TCF7L1: variants seen among roughly 807,000 people sequenced by gnomAD.
TCF7L1 encodes the protein transcription factor 7-like 1.
TCF7L1 carries 18 observed loss-of-function variants against 63.7 expected under a neutral mutation model. The observed-to-expected ratio is 0.28, with a 90% confidence interval of 0.20 to 0.42. The LOEUF (loss-of-function observed/expected upper bound fraction) is 0.42. Ranked by LOEUF, TCF7L1 falls within the 10% of genes least tolerant of loss-of-function variation. The pLI is 1.00. For synonymous variants in TCF7L1, 355 were observed against 340.9 expected (o/e 1.04, Z -0.46); for missense variants, 654 against 779.3 (o/e 0.84, Z 1.91).
chr2:85,159,706 G>C (rs1398143814), intron 3 of TCF7L1, among the ~76,000 whole-genome samples: 1 of 152,240 alleles, frequency 6.6e-6, no homozygotes, highest in East Asian at 1.9e-4. Flanking sequence ...CTGTGGGAAG[G>C]CTTGCGCCCT....
At chr2:85,257,188 T>C (rs960645025) in intron 3 of TCF7L1, among the ~76,000 whole-genome samples, 1 of 151,670 alleles carries the variant, frequency 6.6e-6, no homozygotes, top group East Asian at 1.9e-4. Flanking sequence ...CACCCCAGCC[T>C]GGGCAACAGA....
intron 7 of TCF7L1, among the ~76,000 whole-genome samples, chr2:85,304,843 A>T (rs865783978): frequency 1.3e-5 from 2 of 152,206 alleles, no homozygotes; most frequent in South Asian, 2.1e-4. Context: ...GACTGGGAGA[A>T]GATGAATTTT....
rs1573030027 is a variant in TCF7L1 at position 85,294,020 on chromosome 2, A to C, written c.526-8464A>C. ...GATGGAATTTAGGTGTGGCCTGAAC[A>C]CTGGGATTTTTTTTTTTTTTTTTTT... On this transcript the variant is annotated intron_variant, in intron 4 of 11. Coordinates refer to ENST00000282111, the MANE Select transcript of TCF7L1 (RefSeq NM_031283.3). Among the ~76,000 whole-genome samples, 6 of 84,248 alleles carry C rather than the reference A, an allele frequency of 7.1e-5. No homozygotes were observed. In the South Asian group the frequency reaches 1.2e-3, roughly 17 times the overall value. The allele number at this position is 84,248 out of a possible 152,430, so 55.3% of individuals were successfully genotyped here.
intron 3 of TCF7L1, among the ~76,000 whole-genome samples, chr2:85,150,665 T>C (rs1056398822): frequency 2.6e-5 from 4 of 152,148 alleles, no homozygotes; most frequent in Admixed American, 2.6e-4. Flanking sequence ...GGTGTTCTTA[T>C]TGTATCTCCT....
intron 3 of TCF7L1, among the ~76,000 whole-genome samples, chr2:85,140,289 C>T (rs1054828137): frequency 3.9e-5 from 6 of 152,060 alleles, no homozygotes; most frequent in African/African-American, 1.4e-4. Context: ...TGGGAGGAAC[C>T]CTCGGTTTCA....
chr2:85,274,161 T>C (rs537341576), intron 3 of TCF7L1, among the ~76,000 whole-genome samples: 1 of 152,152 alleles, frequency 6.6e-6, no homozygotes, highest in East Asian at 1.9e-4. Context: ...TGCAGCACAT[T>C]GGTGGCTGGG....
chr2:85,229,661 GA>G (rs1294103227), intron 3 of TCF7L1, among the ~76,000 whole-genome samples: 1 of 152,152 alleles, frequency 6.6e-6, no homozygotes, highest in Non-Finnish European at 1.5e-5. Context: ...ATTGGGGGAA[GA>G]TTTTTTTAAA....
At position 85,283,530 on chromosome 2, in the gene TCF7L1, C is replaced by G; in HGVS notation, c.477C>G (p.Pro159=). 1 of 1,614,160 alleles carries G rather than the reference C, an allele frequency of 6.2e-7. No homozygotes were observed. ...TGAAATGGCCCCTCCTCGATGTCCC[C>G]TCCAGCGCCACAGTCAAGGACACGA... ...LQMKWPLLDV[P]SSATVKDTRS... Residue 159 remains proline (P), a synonymous_variant, in exon 4 of 12, where the codon CCC becomes CCG. Transcript: ENST00000282111.
intron 3 of TCF7L1, among the ~76,000 whole-genome samples, chr2:85,149,133 A>G (rs1375576475): frequency 1.3e-5 from 2 of 152,122 alleles, no homozygotes; most frequent in African/African-American, 4.8e-5. Context: ...GAGGCCAGAA[A>G]TGCATAAACA....
intron 3 of TCF7L1, among the ~76,000 whole-genome samples, chr2:85,281,389 A>G (rs1405508609): frequency 1.3e-5 from 2 of 152,144 alleles, no homozygotes; most frequent in African/African-American, 4.8e-5. Flanking sequence ...TGCAGATTAC[A>G]CTGGGTTTTG....
intron 3 of TCF7L1, among the ~76,000 whole-genome samples, chr2:85,139,038 T>C (rs1286328577): frequency 6.6e-6 from 1 of 152,092 alleles, no homozygotes; most frequent in Non-Finnish European, 1.5e-5. Flanking sequence ...AGACAGGGTC[T>C]CACTCTGTCG....
chr2:85,257,657 C>T (rs1469461002), intron 3 of TCF7L1, among the ~76,000 whole-genome samples: 2 of 152,218 alleles, frequency 1.3e-5, no homozygotes, highest in African/African-American at 2.4e-5. Context: ...CTGCTCTGGC[C>T]CTGCCTGACC....
chr2:85,308,355 C>G (rs1682169099), intron 11 of TCF7L1, among the ~76,000 whole-genome samples: 1 of 150,150 alleles, frequency 6.7e-6, no homozygotes, highest in Non-Finnish European at 1.5e-5. Context: ...ATTCCTCCCT[C>G]CCTCCCTTTC....
At chr2:85,222,481 A>G (rs1679868187) in intron 3 of TCF7L1, among the ~76,000 whole-genome samples, 1 of 151,946 alleles carries the variant, frequency 6.6e-6, no homozygotes, top group Non-Finnish European at 1.5e-5. Flanking sequence ...CAGCCTGGGC[A>G]ACATGGTGAA....
rs116720459 is a variant in TCF7L1, at chr2:85,256,258, G to A, written c.442-27237G>A. Among the ~76,000 whole-genome samples the A allele has an allele frequency of 7.6e-3, 1,150 of 152,084 alleles. 18 individuals carry two copies. The highest frequency in any genetic ancestry group is 0.026 in the African/African-American group (1,085 of 41,532). ...ATGGTGCGTCCGCGCGCCGAAGGCT[G>A]CTCTTTGTGTTCTCTGCAGCCACAG... is the stretch of plus-strand genomic sequence containing the variant. On this transcript the variant is annotated intron_variant, in intron 3 of 11. Transcript: ENST00000282111.
At chr2:85,140,527 A>G (rs762868953) in intron 3 of TCF7L1, among the ~76,000 whole-genome samples, 4 of 152,148 alleles carry the variant, frequency 2.6e-5, no homozygotes, top group Non-Finnish European at 4.4e-5. Context: ...GGCCAGGTGC[A>G]GTGGCTCATG....
chr2:85,278,960 C>T (rs983847983), intron 3 of TCF7L1, among the ~76,000 whole-genome samples: 3 of 152,244 alleles, frequency 2.0e-5, no homozygotes, highest in African/African-American at 7.2e-5. Flanking sequence ...CATTCATCAC[C>T]ATTTCAATGT....
At chr2:85,215,441 C>T (rs1372809139) in intron 3 of TCF7L1, among the ~76,000 whole-genome samples, 1 of 152,220 alleles carries the variant, frequency 6.6e-6, no homozygotes, top group Non-Finnish European at 1.5e-5. Context: ...CGCAACTTTT[C>T]CTACAGTTGG....
intron 3 of TCF7L1, among the ~76,000 whole-genome samples, chr2:85,209,640 G>A (rs1162112237): frequency 8.5e-5 from 13 of 152,116 alleles, no homozygotes; most frequent in Admixed American, 8.5e-4. Flanking sequence ...AATCATCACA[G>A]GTGCTTGTCG....
Sources: gnomAD v4.1 joint callset for allele counts (sites outside exome capture counted in the v4.1 genomes callset) on GRCh38, gnomAD v4.1.1 for gene constraint, MANE v1.5 for transcripts, NCBI Gene and HGNC (gene_info 2026-07-23, HGNC 2026-07-21) for gene names.